Variants in MYCT1 observed in about 807,000 individuals in gnomAD.
MYCT1 encodes myc target protein 1.
Under a neutral mutation model 15.0 loss-of-function variants are expected in MYCT1, and 12 were observed. The observed-to-expected ratio is 0.80, with a 90% CI of 0.51 to 1.29. The LOEUF (loss-of-function observed/expected upper bound fraction) is 1.29. Among genes scored for constraint, MYCT1 ranks in the 50% most tolerant of loss-of-function variants. The probability of loss-of-function intolerance (pLI) is 0.00; values close to 1 mark genes in which losing one functional copy is unlikely to be tolerated. For missense variants in MYCT1, 287 were observed against 279.1 expected (o/e 1.03, Z -0.20); for synonymous variants, 104 against 102.7 (o/e 1.01, Z -0.07).
intron 1 of MYCT1, among the ~76,000 whole-genome samples, chr6:152,720,302 T>C (rs541908313): frequency 1.9e-4 from 29 of 152,054 alleles, no homozygotes; most frequent in African/African-American, 7.0e-4. Flanking sequence ...CTTGAACTTG[T>C]ATAGCTTCAA....
the MYCT1 span, among the ~76,000 whole-genome samples, chr6:152,734,361 G>C: frequency 6.6e-6 from 1 of 152,106 alleles, no homozygotes; most frequent in Non-Finnish European, 1.5e-5. Flanking sequence ...AAAACTTATG[G>C]TTCAAATTCC....
At chr6:152,732,245 TA>T in the MYCT1 span, among the ~76,000 whole-genome samples, 1 of 152,130 alleles carries the variant, frequency 6.6e-6, no homozygotes, top group Non-Finnish European at 1.5e-5. Context: ...CAAAGAAAAG[TA>T]ACAGAAGATC....
At chr6:152,734,531 G>C in the MYCT1 span, among the ~76,000 whole-genome samples, 2 of 152,308 alleles carry the variant, frequency 1.3e-5, no homozygotes, top group African/African-American at 4.8e-5. Context: ...GTGGAAATAA[G>C]AGGTGGGAGC....
intron 1 of MYCT1, among the ~76,000 whole-genome samples, chr6:152,713,403 G>A (rs931300228): frequency 1.3e-5 from 2 of 152,064 alleles, no homozygotes; most frequent in Non-Finnish European, 2.9e-5. Context: ...TTTGTTGACT[G>A]TCTTTTCTCT....
chr6:152,726,262 T>C (rs780310560), downstream of MYCT1, among the ~76,000 whole-genome samples: 1 of 152,122 alleles, frequency 6.6e-6, no homozygotes, highest in African/African-American at 2.4e-5. Context: ...CAGGCCGTGG[T>C]GGCACATGCC....
intron 1 of MYCT1, chr6:152,706,052 T>C: frequency 8.0e-7 from 1 of 1,255,568 alleles, no homozygotes; most frequent in Non-Finnish European, 1.1e-6. Context: ...TCACAAAAAT[T>C]CCTAAAAAAA....
intron 1 of MYCT1, chr6:152,705,643 A>G (rs1282555): frequency 0.62 from 103,295 of 167,622 alleles, 34,441 homozygotes; most frequent in East Asian, 0.82. Context: ...AGATGATATG[A>G]AAATGATACA....
At chr6:152,730,904 T>A in the MYCT1 span, among the ~76,000 whole-genome samples, 2 of 152,210 alleles carry the variant, frequency 1.3e-5, no homozygotes, top group Non-Finnish European at 2.9e-5. Flanking sequence ...TATTAGCAAC[T>A]GCTGGCAAAA....
chr6:152,731,787 G>T, the MYCT1 span, among the ~76,000 whole-genome samples: 1 of 144,076 alleles, frequency 6.9e-6, no homozygotes, highest in African/African-American at 2.6e-5. Context: ...TCTCCATGTT[G>T]TCCAGGCTGG....
the MYCT1 span, among the ~76,000 whole-genome samples, chr6:152,735,842 T>C: frequency 6.6e-6 from 1 of 152,160 alleles, no homozygotes; most frequent in Non-Finnish European, 1.5e-5. Context: ...CATAGATGAA[T>C]TGCTTACTTT....
chr6:152,698,028 T>A lies in MYCT1; in HGVS notation c.126T>A (p.Leu42=), dbSNP rs1239249120. The A allele has an allele frequency of 6.2e-7, 1 of 1,611,184 alleles. No homozygotes were observed. The highest frequency in any genetic ancestry group is 8.5e-7 in the Non-Finnish European group (1 of 1,178,960). Residue 42 remains leucine, a synonymous_variant, in exon 1 of 2, where the codon CTT becomes CTA. Transcript: ENST00000367245. The part of the protein sequence containing the change: ...LVFLSVFLLF[L]LFLVDIMANN... ...TTCTTTCTGTTTTTCTTCTCTTTCTTCTATTTCTTGTGGATATTATGGCTA... is the reference window on the plus strand; with the variant it reads ...TTCTTTCTGTTTTTCTTCTCTTTCTACTATTTCTTGTGGATATTATGGCTA...
chr6:152,730,135 G>A, the MYCT1 span, among the ~76,000 whole-genome samples: 2 of 152,146 alleles, frequency 1.3e-5, no homozygotes, highest in African/African-American at 2.4e-5. Context: ...GCAGCAAACT[G>A]CAGAAGCATT....
chr6:152,746,332 A>C, the MYCT1 span, among the ~76,000 whole-genome samples: 3 of 152,230 alleles, frequency 2.0e-5, no homozygotes, highest in Non-Finnish European at 4.4e-5. Flanking sequence ...TCTGTCAACA[A>C]ATTGGCTAAG....
chr6:152,735,872 G>A, the MYCT1 span, among the ~76,000 whole-genome samples: 1 of 152,012 alleles, frequency 6.6e-6, no homozygotes, highest in African/African-American at 2.4e-5. Flanking sequence ...TGAATGTAAA[G>A]GAATGTAACA....
the MYCT1 span, among the ~76,000 whole-genome samples, chr6:152,739,208 A>G: frequency 6.6e-6 from 1 of 151,756 alleles, no homozygotes; most frequent in Non-Finnish European, 1.5e-5. Context: ...AGCCTACATT[A>G]TTTTATATTG....
At chr6:152,731,979 A>G in the MYCT1 span, among the ~76,000 whole-genome samples, 23 of 152,130 alleles carry the variant, frequency 1.5e-4, no homozygotes, top group Non-Finnish European at 2.8e-4. Context: ...ATGACTTTAT[A>G]AAACAAACTA....
At chr6:152,699,361 C>T (rs1012510242) in intron 1 of MYCT1, among the ~76,000 whole-genome samples, 3 of 151,888 alleles carry the variant, frequency 2.0e-5, no homozygotes, top group African/African-American at 4.8e-5. Context: ...TTTATGTTTG[C>T]TGGAAGACTG....
At chr6:152,745,539 A>G in the MYCT1 span, among the ~76,000 whole-genome samples, 1 of 152,056 alleles carries the variant, frequency 6.6e-6, no homozygotes, top group African/African-American at 2.4e-5. Flanking sequence ...ATCATTTCAG[A>G]TTTTCTGTCA....
At chr6:152,712,789 T>C (rs1363047140) in intron 1 of MYCT1, among the ~76,000 whole-genome samples, 2 of 152,158 alleles carry the variant, frequency 1.3e-5, no homozygotes, top group African/African-American at 4.8e-5. Flanking sequence ...TAAATAATTG[T>C]CTTTTATGAA....
Sources: allele counts gnomAD v4.1 joint callset (sites outside exome capture counted in the v4.1 genomes callset), GRCh38; gene constraint gnomAD v4.1.1; transcripts MANE v1.5; gene names NCBI Gene and HGNC (gene_info 2026-07-23, HGNC 2026-07-21).